Variants in DTD1 observed in about 807,000 individuals in gnomAD.
The protein encoded by DTD1 is D-aminoacyl-tRNA deacylase 1.
A neutral mutation model predicts 25.6 loss-of-function variants in DTD1; 13 were observed. The ratio of observed to expected loss-of-function variants is 0.51; its 90% CI spans 0.33 to 0.81. The LOEUF is 0.81. Ranked by LOEUF, DTD1 falls within the 30% of genes least tolerant of loss-of-function variation. DTD1 has a pLI of 0.02. For missense variants in DTD1, 193 were observed against 266.4 expected, an observed-to-expected ratio of 0.72 and a Z score of 1.92; for synonymous variants, 110 against 103.6, an observed-to-expected ratio of 1.06 and a Z score of -0.37.
At chr20:18,698,557 T>G (rs374393791) in intron 4 of DTD1, 1 of 152,262 alleles carries the variant, frequency 6.6e-6, no homozygotes, top group African/African-American at 2.4e-5. Context: ...AGAACTGTAC[T>G]TTGTAGAATG....
At chr20:18,753,379 G>A (rs1056040833) in intron 5 of DTD1, among the ~76,000 whole-genome samples, 8 of 151,960 alleles carry the variant, frequency 5.3e-5, no homozygotes, top group Non-Finnish European at 7.4e-5. Flanking sequence ...AGGCCGAGGC[G>A]GGTGGATCAC....
At chr20:18,677,737 G>A (rs1403709933) in intron 4 of DTD1, among the ~76,000 whole-genome samples, 6 of 152,170 alleles carry the variant, frequency 3.9e-5, no homozygotes, top group Non-Finnish European at 8.8e-5. Flanking sequence ...CAGAGAGGCC[G>A]GGTCAGATAA....
intron 4 of DTD1, among the ~76,000 whole-genome samples, chr20:18,660,245 G>A (rs922922700): frequency 6.6e-6 from 1 of 152,178 alleles, no homozygotes; most frequent in African/African-American, 2.4e-5. Flanking sequence ...TTTGAGATAG[G>A]GTCTCGTTCT....
At chr20:18,715,144 A>C (rs2061175015) in intron 4 of DTD1, among the ~76,000 whole-genome samples, 1 of 152,076 alleles carries the variant, frequency 6.6e-6, no homozygotes, top group Admixed American at 6.6e-5. Context: ...GTCATCCCTG[A>C]GTCCTAAGTA....
chr20:18,689,129 C>T lies in DTD1; in HGVS notation c.478-54971C>T, dbSNP rs377493648. ...CTCTCCACGGCCCCGTTTTTCCATT[C>T]GTTTTCGGAATAAAGAAGCTGGTTC... On this transcript the variant is annotated intron_variant, in intron 4 of 5. Transcript: ENST00000377452. Among the ~76,000 whole-genome samples the T allele has an allele frequency of 3.7e-3, 564 of 152,228 alleles. 3 individuals are homozygous for T. The highest frequency in any genetic ancestry group is 0.013 in the African/African-American group (546 of 41,532).
At chr20:18,630,803 T>C (rs1026104625) in intron 4 of DTD1, 5 of 152,422 alleles carry the variant, frequency 3.3e-5, no homozygotes, top group African/African-American at 1.2e-4. Flanking sequence ...GTGACATTGA[T>C]ACTTTTCAAG....
intron 4 of DTD1, among the ~76,000 whole-genome samples, chr20:18,713,852 G>C: frequency 6.6e-6 from 1 of 152,182 alleles, no homozygotes; most frequent in East Asian, 1.9e-4. Context: ...TTGCTCTCCT[G>C]TTGTGACATA....
At chr20:18,670,199 A>T (rs1264744375) in intron 4 of DTD1, among the ~76,000 whole-genome samples, 1 of 152,198 alleles carries the variant, frequency 6.6e-6, no homozygotes, top group Non-Finnish European at 1.5e-5. Context: ...GCTCATGCGT[A>T]TAATCCCACG....
chr20:18,638,829 C>G (rs1183862937), intron 4 of DTD1, among the ~76,000 whole-genome samples: 1 of 152,052 alleles, frequency 6.6e-6, no homozygotes, highest in African/African-American at 2.4e-5. Context: ...GCAGAGAGGG[C>G]ATTTAGGAGC....
intron 5 of DTD1, among the ~76,000 whole-genome samples, chr20:18,751,943 G>A (rs767397174): frequency 2.6e-5 from 4 of 151,732 alleles, no homozygotes; most frequent in African/African-American, 4.8e-5. Flanking sequence ...GCAGCTTTGA[G>A]TTTCCAAGGC....
Position 18,708,248 on chromosome 20 carries a change from TATATTATATATATATTTTATATATATATA to T in DTD1, c.478-35847_478-35819del, listed in dbSNP as rs1290571195. 3.3e-3 allele frequency among the ~76,000 whole-genome samples: 96 copies of T among 28,972 alleles called. 3 individuals are homozygous for T. The highest frequency in any genetic ancestry group is 7.7e-3 in the Admixed American group (11 of 1,424). 19.0% of individuals were successfully genotyped at this position (28,972 alleles called of 152,430 possible). ...ATATATATTTTATATATATATAATA[TATATTATATATATATTTTATATATATATA>T]ATATATATTATATATATATAATATA... On this transcript the variant is annotated intron_variant, in intron 4 of 5. Coordinates refer to ENST00000377452, the MANE Select transcript of DTD1 (RefSeq NM_080820.6).
intron 4 of DTD1, among the ~76,000 whole-genome samples, chr20:18,690,021 A>G (rs1454867330): frequency 1.3e-5 from 2 of 150,534 alleles, no homozygotes; most frequent in Non-Finnish European, 3.0e-5. Flanking sequence ...CTGTACTCCC[A>G]GCTACTTAGG....
chr20:18,749,742 C>T lies in DTD1; in HGVS notation c.*19+5471C>T, dbSNP rs550381340. On this transcript the variant is annotated intron_variant, in intron 5 of 5. Transcript: ENST00000377452. The surrounding 1 kb of genome is among the most constrained non-coding windows in gnomAD (Gnocchi z 4.2). ...GTGTCAGGGCCCAGGTGCTGAGCTG[C>T]ACCAACCACCCTGCCACAGAGGACA... Among the ~76,000 whole-genome samples, 2 of 152,326 alleles carry T rather than the reference C, an allele frequency of 1.3e-5. No individual in the cohort carries two copies. The highest frequency in any genetic ancestry group is 2.1e-4 in the South Asian group (1 of 4,832).
At chr20:18,733,181 T>C (rs2061244502) in intron 4 of DTD1, among the ~76,000 whole-genome samples, 1 of 152,154 alleles carries the variant, frequency 6.6e-6, no homozygotes, top group Non-Finnish European at 1.5e-5. Context: ...GTTGGCTCAG[T>C]GGGCAGAAGG....
intron 3 of DTD1, among the ~76,000 whole-genome samples, chr20:18,596,697 C>T (rs1415121465): frequency 3.3e-5 from 5 of 149,982 alleles, no homozygotes; most frequent in Admixed American, 2.7e-4. Flanking sequence ...ACTATGTAGT[C>T]GTTATAAACA....
chr20:18,598,676 A>T (rs1361949734), intron 3 of DTD1, among the ~76,000 whole-genome samples: 4 of 141,388 alleles, frequency 2.8e-5, no homozygotes, highest in Non-Finnish European at 4.6e-5. Flanking sequence ...TTTTTTTTGT[A>T]TTTTTTTTTT....
At chr20:18,690,077 A>G (rs1235553955) in intron 4 of DTD1, among the ~76,000 whole-genome samples, 3 of 151,088 alleles carry the variant, frequency 2.0e-5, no homozygotes, top group Admixed American at 2.0e-4. Context: ...TCAAGACTGC[A>G]ATGAGCTGTG....
chr20:18,588,696 C>G (rs2060576329), intron 1 of DTD1: 1 of 985,044 alleles, frequency 1.0e-6, no homozygotes, highest in Admixed American at 6.1e-5. Context: ...CAGGACGCCC[C>G]TCGCCCTCGC....
intron 4 of DTD1, among the ~76,000 whole-genome samples, chr20:18,737,841 T>C (rs559244772): frequency 3.0e-4 from 46 of 152,360 alleles, no homozygotes; most frequent in African/African-American, 1.0e-3. Context: ...ACCAAGGAGC[T>C]GGACCAAGGT....
Sources: allele counts gnomAD v4.1 joint callset (sites outside exome capture counted in the v4.1 genomes callset), GRCh38; gene constraint gnomAD v4.1.1; non-coding constraint Gnocchi (gnomAD v3.1); transcripts MANE v1.5; gene names NCBI Gene and HGNC (gene_info 2026-07-23, HGNC 2026-07-21).